The following SLIT3 variants were observed in gnomAD, a reference collection of about 807,000 sequenced individuals.
SLIT3 encodes slit homolog 3 protein.
A neutral mutation model predicts 184.0 loss-of-function variants in SLIT3; 68 were observed. The ratio of observed to expected loss-of-function variants is 0.37; its 90% CI spans 0.30 to 0.45. The LOEUF is 0.45. Among genes scored for constraint, SLIT3 ranks in the 20% least tolerant of loss-of-function variants. SLIT3 has a pLI of 1.00. For synonymous variants in SLIT3, 831 were observed against 828.6 expected (o/e 1.00, Z -0.05); for missense variants, 1,707 against 2,026.0 (o/e 0.84, Z 3.02).
intron 3 of SLIT3, among the ~76,000 whole-genome samples, chr5:169,196,502 C>A (rs956767240): frequency 6.6e-6 from 1 of 152,184 alleles, no homozygotes; most frequent in Admixed American, 6.5e-5. Flanking sequence ...TTGAGTTCTA[C>A]ATGCATGTCA....
At chr5:168,989,411 G>A (rs901517879) in intron 4 of SLIT3, among the ~76,000 whole-genome samples, 2 of 152,210 alleles carry the variant, frequency 1.3e-5, no homozygotes, top group African/African-American at 4.8e-5. Flanking sequence ...TGAATTTGCT[G>A]AAAACACAGC....
intron 3 of SLIT3, among the ~76,000 whole-genome samples, chr5:169,215,803 G>GA (rs1764416064): frequency 6.6e-6 from 1 of 152,178 alleles, no homozygotes; most frequent in Non-Finnish European, 1.5e-5. Context: ...AACCTTGTTT[G>GA]AAAAACTTCT....
At chr5:168,903,630 C>T (rs934113116) in intron 4 of SLIT3, among the ~76,000 whole-genome samples, 2 of 152,238 alleles carry the variant, frequency 1.3e-5, no homozygotes, top group Non-Finnish European at 2.9e-5. Context: ...AGGAATGGTC[C>T]TTCTGCTGTG....
chr5:168,835,377 C>G (rs1166489689), intron 6 of SLIT3, among the ~76,000 whole-genome samples: 2 of 151,710 alleles, frequency 1.3e-5, no homozygotes, highest in African/African-American at 4.8e-5. Context: ...AATGGACTCT[C>G]TAGAGCTTTT....
chr5:169,128,376 A>G (rs1441214260), intron 4 of SLIT3, among the ~76,000 whole-genome samples: 1 of 151,666 alleles, frequency 6.6e-6, no homozygotes, highest in East Asian at 1.9e-4. Flanking sequence ...AGCTTCTAAG[A>G]AGGAATCCTT....
In SLIT3 at chr5:168,757,756, A is replaced by G. The variant is rs186247171; in HGVS notation, c.1685+3106T>C. Among the ~76,000 whole-genome samples, 666 of 152,280 alleles carry G rather than the reference A, an allele frequency of 4.4e-3. 9 individuals carry two copies. The highest frequency in any genetic ancestry group is 0.015 in the African/African-American group (635 of 41,562). On this transcript the variant is annotated intron_variant, in intron 16 of 35. Coordinates refer to ENST00000519560, the MANE Select transcript of SLIT3 (RefSeq NM_003062.4). ...AACCCAACCCCTGTTTTAAATATAT[A>G]ACCAGCTACTCTGGGTCACTCAACT...
chr5:169,051,905 C>T (rs1000230458), intron 4 of SLIT3, among the ~76,000 whole-genome samples: 2 of 152,162 alleles, frequency 1.3e-5, no homozygotes, highest in Non-Finnish European at 2.9e-5. Context: ...AGCTTGCACG[C>T]CTTGGTGTCC....
At chr5:169,108,864 T>C (rs776130968) in intron 4 of SLIT3, among the ~76,000 whole-genome samples, 15 of 152,226 alleles carry the variant, frequency 9.9e-5, no homozygotes, top group Non-Finnish European at 1.6e-4. Flanking sequence ...GAGTGGGTAC[T>C]CTACGAATCC....
intron 6 of SLIT3, among the ~76,000 whole-genome samples, chr5:168,828,270 CAAGA>C (rs935405883): frequency 1.3e-5 from 2 of 152,110 alleles, no homozygotes; most frequent in Non-Finnish European, 2.9e-5. Flanking sequence ...AGGCCCTGCT[CAAGA>C]GAGACGACAG....
At chr5:168,977,440 T>C (rs1754807123) in intron 4 of SLIT3, among the ~76,000 whole-genome samples, 1 of 152,190 alleles carries the variant, frequency 6.6e-6, no homozygotes, top group African/African-American at 2.4e-5. Context: ...CTATTACCTT[T>C]TGAGGAACTT....
At chr5:168,917,373 G>C (rs1318406065) in intron 4 of SLIT3, among the ~76,000 whole-genome samples, 1 of 152,166 alleles carries the variant, frequency 6.6e-6, no homozygotes, top group Non-Finnish European at 1.5e-5. Context: ...CTCAGCCCCA[G>C]CTTGTGTTCT....
chr5:168,795,628 G>T, intron 9 of SLIT3, 50 bp from the exon 10 acceptor site: 1 of 1,449,062 alleles, frequency 6.9e-7, no homozygotes, highest in Non-Finnish European at 9.7e-7. Flanking sequence ...CTGTCAACAA[G>T]TGGTCACTGA....
At chr5:168,885,373 G>T (rs919000878) in intron 4 of SLIT3, among the ~76,000 whole-genome samples, 1 of 152,192 alleles carries the variant, frequency 6.6e-6, no homozygotes, top group Admixed American at 6.5e-5. Context: ...CAATGAGCAG[G>T]GCTCCAGCCT....
chr5:169,141,284 C>G lies in SLIT3; in HGVS notation c.413+52195G>C, dbSNP rs145956401. Among the ~76,000 whole-genome samples, 142 of 152,290 alleles carry G rather than the reference C, an allele frequency of 9.3e-4. 5 individuals are homozygous for G. The highest frequency in any genetic ancestry group is 3.3e-3 in the African/African-American group (138 of 41,556). On this transcript the variant is annotated intron_variant, in intron 4 of 35. Transcript: ENST00000519560. ...ACAAATAAACAAAAACAAAAGGAAA[C>G]TTAAAGCAAATCCACTGCAACAAAG... is the stretch of plus-strand genomic sequence containing the variant.
At chr5:168,852,542 G>A (rs904006497) in intron 5 of SLIT3, among the ~76,000 whole-genome samples, 3 of 152,124 alleles carry the variant, frequency 2.0e-5, no homozygotes, top group East Asian at 1.9e-4. Flanking sequence ...GACACAAATC[G>A]GCACATCCTG....
chr5:168,856,379 C>A (rs1758865712), intron 5 of SLIT3, among the ~76,000 whole-genome samples: 1 of 152,130 alleles, frequency 6.6e-6, no homozygotes, highest in African/African-American at 2.4e-5. Context: ...AGATAGCAAA[C>A]CTGATTCTAT....
rs751378958 is a variant in SLIT3, at chr5:168,760,867, C to T, written c.1680G>A (p.Arg560=). 4 of 1,612,732 alleles carry T rather than the reference C, an allele frequency of 2.5e-6. No individual in the cohort carries two copies. In the East Asian group the frequency reaches 8.9e-5, roughly 36 times the overall value. The change falls in exon 16 of 36, where the codon CGG becomes CGA. Residue 560 remains arginine (R), a synonymous_variant. Coordinates refer to ENST00000519560, the MANE Select transcript of SLIT3 (RefSeq NM_003062.4). ...TGIFKKLPNL[R]KINLSNNKIK... Reference sequence around the variant, plus strand: ...AGTTCCTGAAGTTGACTTACATTTTCCGCAGGTTGGGCAACTTCTTGAAGA... The same window carrying T: ...AGTTCCTGAAGTTGACTTACATTTTTCGCAGGTTGGGCAACTTCTTGAAGA...
At chr5:168,693,140 C>G (rs1761956005) in intron 28 of SLIT3, among the ~76,000 whole-genome samples, 1 of 152,098 alleles carries the variant, frequency 6.6e-6, no homozygotes, top group Non-Finnish European at 1.5e-5. Context: ...TCCTTTCCTA[C>G]CCACAGCCTA....
intron 4 of SLIT3, among the ~76,000 whole-genome samples, chr5:169,118,820 T>C (rs1760781141): frequency 6.6e-6 from 1 of 152,216 alleles, no homozygotes; most frequent in Admixed American, 6.5e-5. Flanking sequence ...GCACTGATGG[T>C]ATTCTTTCCC....
Sources: gnomAD v4.1 joint callset for allele counts (sites outside exome capture counted in the v4.1 genomes callset) on GRCh38, gnomAD v4.1.1 for gene constraint, MANE v1.5 for transcripts, NCBI Gene and HGNC (gene_info 2026-07-23, HGNC 2026-07-21) for gene names.